UBQLN1: variants seen among roughly 807,000 people sequenced by gnomAD.
UBQLN1 encodes the protein ubiquilin 1, also known as ubiquilin-1.
A neutral mutation model predicts 65.4 loss-of-function variants in UBQLN1; 13 were observed. That is an observed-to-expected ratio of 0.20 (90% CI 0.13 to 0.32). The LOEUF is 0.32. Ranked by LOEUF, UBQLN1 falls within the 10% of genes least tolerant of loss-of-function variation. UBQLN1 has a pLI of 1.00. For missense variants in UBQLN1, 561 were observed against 724.0 expected (o/e 0.77, Z 2.58); for synonymous variants, 267 against 247.8 (o/e 1.08, Z -0.73).
At chr9:83,694,657 T>C (rs1379600375) in intron 1 of UBQLN1, among the ~76,000 whole-genome samples, 1 of 152,230 alleles carries the variant, frequency 6.6e-6, no homozygotes, top group African/African-American at 2.4e-5. Context: ...ACAAACTAAA[T>C]GTTTCACTAT....
At chr9:83,706,031 A>G (rs1012713539) in intron 1 of UBQLN1, among the ~76,000 whole-genome samples, 1 of 152,198 alleles carries the variant, frequency 6.6e-6, no homozygotes, top group Admixed American at 6.5e-5. Flanking sequence ...ATAATGTTCT[A>G]TATCTTGATA....
At chr9:83,678,860 G>C (rs1831889674) in intron 4 of UBQLN1, among the ~76,000 whole-genome samples, 2 of 152,174 alleles carry the variant, frequency 1.3e-5, no homozygotes, top group Admixed American at 1.3e-4. Flanking sequence ...TGGGACTACA[G>C]GCGCCCGCCA....
intron 6 of UBQLN1, among the ~76,000 whole-genome samples, chr9:83,676,533 G>C (rs968487598): frequency 1.6e-4 from 25 of 152,034 alleles, no homozygotes; most frequent in African/African-American, 6.0e-4. Context: ...ATATAGAACA[G>C]AATATTTTTA....
chr9:83,706,153 C>T (rs1347175940), intron 1 of UBQLN1, among the ~76,000 whole-genome samples: 1 of 152,130 alleles, frequency 6.6e-6, no homozygotes, highest in African/African-American at 2.4e-5. Context: ...TGAAGTTGAA[C>T]TTAGGCAAAT....
chr9:83,705,176 T>C (rs889013234), intron 1 of UBQLN1, among the ~76,000 whole-genome samples: 2 of 151,796 alleles, frequency 1.3e-5, no homozygotes, highest in African/African-American at 4.8e-5. Flanking sequence ...AACTCCCATG[T>C]ATCTTCATTG....
chr9:83,690,078 G>A (rs1235557921), intron 1 of UBQLN1, among the ~76,000 whole-genome samples: 2 of 152,130 alleles, frequency 1.3e-5, no homozygotes, highest in Admixed American at 6.5e-5. Context: ...AACAGAAGTT[G>A]AACATATGCT....
chr9:83,683,592 C>T (rs1294062317), intron 2 of UBQLN1, among the ~76,000 whole-genome samples: 1 of 152,028 alleles, frequency 6.6e-6, no homozygotes, highest in African/African-American at 2.4e-5. Context: ...TGCAATTGCC[C>T]CTCCTCTTTG....
At chr9:83,679,702 C>A in intron 4 of UBQLN1, 73 bp downstream of exon 4, 3 of 1,508,552 alleles carry the variant, frequency 2.0e-6, no homozygotes, top group Non-Finnish European at 1.8e-6. Flanking sequence ...AGGACAATCT[C>A]ATTAACCACA....
At chr9:83,673,931 T>C (rs376002949) in intron 6 of UBQLN1, among the ~76,000 whole-genome samples, 4 of 152,100 alleles carry the variant, frequency 2.6e-5, no homozygotes, top group Non-Finnish European at 4.4e-5. Flanking sequence ...GCCTCCCAAG[T>C]AGCTGTACTA....
chr9:83,688,605 T>C (rs1832077639), intron 1 of UBQLN1, among the ~76,000 whole-genome samples: 1 of 151,754 alleles, frequency 6.6e-6, no homozygotes, highest in Non-Finnish European at 1.5e-5. Context: ...GGCTCACACC[T>C]GTAATCCCAG....
At chr9:83,662,459 A>G (rs1056694836) in intron 10 of UBQLN1, among the ~76,000 whole-genome samples, 1 of 152,136 alleles carries the variant, frequency 6.6e-6, no homozygotes, top group Non-Finnish European at 1.5e-5. Flanking sequence ...GTCAATTCTT[A>G]GAAAAGAGCT....
intron 1 of UBQLN1, among the ~76,000 whole-genome samples, chr9:83,696,273 C>T (rs1384751341): frequency 6.6e-6 from 1 of 152,196 alleles, no homozygotes; most frequent in Non-Finnish European, 1.5e-5. Flanking sequence ...GCTAATATAT[C>T]TATCACCTCT....
At chr9:83,694,529 T>C (rs1390449338) in intron 1 of UBQLN1, among the ~76,000 whole-genome samples, 1 of 152,180 alleles carries the variant, frequency 6.6e-6, no homozygotes, top group Admixed American at 6.5e-5. Context: ...ACACTGAATA[T>C]GTAACACGTA....
intron 1 of UBQLN1, among the ~76,000 whole-genome samples, chr9:83,694,631 A>G (rs1832179412): frequency 6.6e-6 from 1 of 152,238 alleles, no homozygotes; most frequent in African/African-American, 2.4e-5. Context: ...TCTCTAATTT[A>G]AATCTGACAA....
intron 1 of UBQLN1, among the ~76,000 whole-genome samples, chr9:83,695,954 T>G (rs956471424): frequency 6.6e-6 from 1 of 152,222 alleles, no homozygotes; most frequent in African/African-American, 2.4e-5. Context: ...TTAATTTTTT[T>G]TTTTGAGTCG....
In UBQLN1 at chr9:83,707,931, C is replaced by A. The variant is rs1031966392; in HGVS notation, c.-252G>T. On this transcript the variant is annotated 5_prime_UTR_variant, in exon 1 of 11. Transcript: ENST00000376395. Reference sequence around the variant, plus strand: ...AGGCGCCGCTCGCTCACACCGACATCCGCAGCAGCCACCGCTTCCTCCTCC... The same window carrying A: ...AGGCGCCGCTCGCTCACACCGACATACGCAGCAGCCACCGCTTCCTCCTCC... 3.9e-6 allele frequency: 2 copies of A among 510,476 alleles called. No homozygotes were observed. Among genetic ancestry groups the A allele is most frequent in the Non-Finnish European group, 6.7e-6 (2 of 297,690 alleles). The allele number at this position is 510,476 out of a possible 1,614,324, so 31.6% of individuals were successfully genotyped here.
rs891821721 is a variant in UBQLN1 at position 83,704,288 on chromosome 9, T to C, written c.180+3212A>G. ...TTAAATTATAAAATGGCATATCTTTTGTGCTTCAAGTAGATTTTACAAATA... is the reference window on the plus strand; with the variant it reads ...TTAAATTATAAAATGGCATATCTTTCGTGCTTCAAGTAGATTTTACAAATA... On this transcript the variant is annotated intron_variant, in intron 1 of 10. Coordinates refer to ENST00000376395, the MANE Select transcript of UBQLN1 (RefSeq NM_013438.5). Among the ~76,000 whole-genome samples, 4 of 152,370 alleles carry C rather than the reference T, an allele frequency of 2.6e-5. No homozygotes were observed. In the East Asian group the frequency reaches 7.7e-4, roughly 29 times the overall value.
chr9:83,705,064 T>A (rs1387468809), intron 1 of UBQLN1, among the ~76,000 whole-genome samples: 1 of 151,872 alleles, frequency 6.6e-6, no homozygotes. Context: ...AGAAAAGAGA[T>A]CCGAGAGCTT....
In UBQLN1 at chr9:83,686,507, G is replaced by A. The variant is rs1399900129; in HGVS notation, c.181-352C>T. Reference sequence around the variant, plus strand: ...ATTATTACTTCATCTCTAACACAAAGGTCCTACTATAGGTGCACATATCCT... The same window carrying A: ...ATTATTACTTCATCTCTAACACAAAAGTCCTACTATAGGTGCACATATCCT... On this transcript the variant is annotated intron_variant, in intron 1 of 10. Transcript: ENST00000376395. Among the ~76,000 whole-genome samples the A allele has an allele frequency of 4.6e-5, 7 of 152,248 alleles. No homozygotes were observed. The South Asian group carries it at 6.2e-4, about 14-fold the overall frequency.
Sources: allele counts gnomAD v4.1 joint callset (sites outside exome capture counted in the v4.1 genomes callset), GRCh38; gene constraint gnomAD v4.1.1; transcripts MANE v1.5; gene names NCBI Gene and HGNC (gene_info 2026-07-23, HGNC 2026-07-21).